Variants in ICA1 observed in about 807,000 individuals in gnomAD.
ICA1 encodes the protein islet cell autoantigen 1, also known as 69 kDa islet cell autoantigen.
A neutral mutation model predicts 71.0 loss-of-function variants in ICA1; 40 were observed. That is an observed-to-expected ratio of 0.56 (90% CI 0.44 to 0.73). The LOEUF is 0.73. ICA1 is among the 30% of genes least tolerant of loss of function. The pLI, the probability that ICA1 is intolerant of heterozygous loss-of-function variation, is 0.00. For missense variants in ICA1, 578 were observed against 576.5 expected, an observed-to-expected ratio of 1.00 and a Z score of -0.03; for synonymous variants, 207 against 209.5, an observed-to-expected ratio of 0.99 and a Z score of 0.10.
chr7:8,172,811 G>A (rs1187917554), intron 6 of ICA1, among the ~76,000 whole-genome samples: 7 of 152,144 alleles, frequency 4.6e-5, no homozygotes, highest in South Asian at 2.1e-4. Flanking sequence ...TGGCACCTCT[G>A]ATTTCTCAAA....
intron 13 of ICA1, 60 bp from the exon 14 acceptor site, chr7:8,114,104 C>T (rs1368388025): frequency 2.5e-6 from 4 of 1,581,824 alleles, no homozygotes; most frequent in African/African-American, 1.3e-5. Context: ...CTCTGCCATG[C>T]GGGATGCAGG....
At chr7:8,119,002 G>C (rs1004320771) in intron 13 of ICA1, among the ~76,000 whole-genome samples, 5 of 152,192 alleles carry the variant, frequency 3.3e-5, no homozygotes, top group Non-Finnish European at 4.4e-5. Context: ...TAAAAGTTTG[G>C]GAAGCACTTC....
intron 6 of ICA1, among the ~76,000 whole-genome samples, chr7:8,204,480 C>A (rs1790826562): frequency 6.6e-6 from 1 of 152,212 alleles, no homozygotes; most frequent in Non-Finnish European, 1.5e-5. Context: ...CTGTAGAGAA[C>A]TTTACCAATA....
chr7:8,149,343 G>T (rs556687000), intron 8 of ICA1, among the ~76,000 whole-genome samples: 19 of 152,322 alleles, frequency 1.2e-4, no homozygotes, highest in African/African-American at 4.3e-4. Context: ...GTGGAGGAAA[G>T]AATGTTTTTA....
intron 6 of ICA1, among the ~76,000 whole-genome samples, chr7:8,201,849 G>A (rs1789818797): frequency 6.6e-6 from 1 of 152,166 alleles, no homozygotes; most frequent in African/African-American, 2.4e-5. Flanking sequence ...AGGAGGCTGA[G>A]GATTTTAGAA....
chr7:8,127,549 A>G lies in ICA1; in HGVS notation c.1330+324T>C, dbSNP rs537982967. 1.1e-3 allele frequency among the ~76,000 whole-genome samples: 164 copies of G among 152,266 alleles called. 2 individuals are homozygous for G. The highest frequency in any genetic ancestry group is 3.8e-3 in the African/African-American group (157 of 41,540). On this transcript the variant is annotated intron_variant, in intron 13 of 13. Transcript: ENST00000402384. ...TGGGAACGTGGTGAACTCAGGGCGG[A>G]GTGGCCAAGTCAACGGGGCCTTGAC...
chr7:8,190,305 G>A (rs1055634595), intron 6 of ICA1, among the ~76,000 whole-genome samples: 3 of 151,990 alleles, frequency 2.0e-5, no homozygotes, highest in African/African-American at 4.8e-5. Flanking sequence ...TTACCCAGAG[G>A]AGACATGGCT....
chr7:8,183,226 C>T (rs1782769678), intron 6 of ICA1, among the ~76,000 whole-genome samples: 2 of 152,184 alleles, frequency 1.3e-5, no homozygotes, highest in Admixed American at 1.3e-4. Flanking sequence ...CTGAAACTTA[C>T]CTACATGCCT....
chr7:8,188,766 T>G (rs1784637499), intron 6 of ICA1, among the ~76,000 whole-genome samples: 1 of 151,906 alleles, frequency 6.6e-6, no homozygotes, highest in Non-Finnish European at 1.5e-5. Context: ...AGAGAGAACC[T>G]TTTTTGGCCA....
intron 8 of ICA1, among the ~76,000 whole-genome samples, chr7:8,154,657 AAC>A (rs1332123716): frequency 6.6e-6 from 1 of 152,222 alleles, no homozygotes; most frequent in Admixed American, 6.5e-5. Flanking sequence ...GGCCATTATC[AAC>A]ACAGAGTGCC....
intron 3 of ICA1, among the ~76,000 whole-genome samples, chr7:8,229,258 C>T (rs1387421326): frequency 6.6e-6 from 1 of 152,200 alleles, no homozygotes; most frequent in Admixed American, 6.5e-5. Flanking sequence ...ATTTTCCCAA[C>T]AATTTCATAA....
chr7:8,180,955 TG>T (rs1197218230), intron 6 of ICA1, among the ~76,000 whole-genome samples: 1 of 152,038 alleles, frequency 6.6e-6, no homozygotes, highest in African/African-American at 2.4e-5. Flanking sequence ...CTTTTCTAAA[TG>T]GTGTTTTTTA....
In ICA1 at chr7:8,216,993, T is replaced by G. The variant is rs552198968; in HGVS notation, c.579+1312A>C. Among the ~76,000 whole-genome samples, 3 of 152,336 alleles carry G rather than the reference T, an allele frequency of 2.0e-5. No individual in the cohort carries two copies. The South Asian group carries it at 6.2e-4, about 32-fold the overall frequency. ...AAGTGCTAAAGACAAACCAAATTAT[T>G]GGCCTGATTAGAAAGTTAGAAAACT... On this transcript the variant is annotated intron_variant, in intron 6 of 13. Coordinates refer to ENST00000402384, the MANE Select transcript of ICA1 (RefSeq NM_001136020.3).
intron 4 of ICA1, 80 bp from the exon 5 acceptor site, chr7:8,221,478 G>C (rs1156381240): frequency 1.3e-6 from 2 of 1,507,448 alleles, no homozygotes; most frequent in Non-Finnish European, 1.8e-6. Context: ...AAATCACAAG[G>C]TCCTCTCTCT....
chr7:8,181,957 G>A (rs946692882), intron 6 of ICA1, among the ~76,000 whole-genome samples: 2 of 152,128 alleles, frequency 1.3e-5, no homozygotes, highest in East Asian at 1.9e-4. Context: ...CTTTGAACCT[G>A]CTCCTTTATG....
At chr7:8,251,629 A>G (rs1215663092) in intron 1 of ICA1, among the ~76,000 whole-genome samples, 5 of 151,954 alleles carry the variant, frequency 3.3e-5, no homozygotes, top group Non-Finnish European at 7.4e-5. Context: ...TCAAGTTCAC[A>G]TAGAGGAATG....
At chr7:8,167,741 C>G (rs1439288053) in intron 6 of ICA1, among the ~76,000 whole-genome samples, 2 of 152,132 alleles carry the variant, frequency 1.3e-5, no homozygotes, top group Admixed American at 1.3e-4. Flanking sequence ...ATTCCACTGA[C>G]TAGACCAGGG....
At chr7:8,210,776 G>A (rs577648718) in intron 6 of ICA1, among the ~76,000 whole-genome samples, 2 of 152,228 alleles carry the variant, frequency 1.3e-5, no homozygotes, top group African/African-American at 4.8e-5. Flanking sequence ...GTACAGTGGC[G>A]TGATCATGGC....
chr7:8,130,586 A>C lies in ICA1; in HGVS notation c.1061-2444T>G, dbSNP rs1466580575. ...AACCAAACCTATTCTATTGAAACCA[A>C]GTCAAGTCAATGTGTAGACCCTGGA... On this transcript the variant is annotated intron_variant, in intron 12 of 13. Coordinates refer to ENST00000402384, the MANE Select transcript of ICA1 (RefSeq NM_001136020.3). The surrounding 1 kb of genome is among the most constrained non-coding windows in gnomAD (Gnocchi z 4.2). 6.6e-6 allele frequency among the ~76,000 whole-genome samples: 1 copy of C among 152,234 alleles called. No homozygotes were observed. The highest frequency in any genetic ancestry group is 2.4e-5 in the African/African-American group (1 of 41,450).
Sources: allele counts gnomAD v4.1 joint callset (sites outside exome capture counted in the v4.1 genomes callset), GRCh38; gene constraint gnomAD v4.1.1; non-coding constraint Gnocchi (gnomAD v3.1); transcripts MANE v1.5; gene names NCBI Gene and HGNC (gene_info 2026-07-23, HGNC 2026-07-21).